Variants in SGCD observed in about 807,000 individuals in gnomAD.
SGCD encodes the protein delta-sarcoglycan.
Under a neutral mutation model 36.6 loss-of-function variants are expected in SGCD, and 18 were observed. The observed-to-expected ratio is 0.49, with a 90% CI of 0.34 to 0.73. The LOEUF (loss-of-function observed/expected upper bound fraction) is 0.73, where lower values mean the gene tolerates loss of function less well. Among genes scored for constraint, SGCD ranks in the 30% least tolerant of loss-of-function variants. The pLI is 0.01. For missense variants in SGCD, 387 were observed against 346.7 expected, an observed-to-expected ratio of 1.12 and a Z score of -0.92; for synonymous variants, 133 against 130.6, an observed-to-expected ratio of 1.02 and a Z score of -0.12.
At chr5:155,866,400 A>G (rs1755525090), upstream of SGCD, among the ~76,000 whole-genome samples, 1 of 152,190 alleles carries the variant, frequency 6.6e-6, no homozygotes, top group Non-Finnish European at 1.5e-5. Context: ...ACAAAGCCAA[A>G]CAATACCTTA....
intron 3 of SGCD, among the ~76,000 whole-genome samples, chr5:156,165,419 A>G (rs1412646713): frequency 6.6e-6 from 1 of 152,166 alleles, no homozygotes; most frequent in African/African-American, 2.4e-5. Context: ...TAGTAAGGAA[A>G]CTGTTCAGCC....
chr5:156,647,052 G>A (rs1456214560), intron 6 of SGCD, among the ~76,000 whole-genome samples: 1 of 152,174 alleles, frequency 6.6e-6, no homozygotes, highest in Non-Finnish European at 1.5e-5. Flanking sequence ...CCACTGCGTA[G>A]ATGTCATATG....
chr5:155,997,345 G>A (rs987655622), intron 1 of SGCD, among the ~76,000 whole-genome samples: 4 of 152,132 alleles, frequency 2.6e-5, no homozygotes, highest in Non-Finnish European at 5.9e-5. Context: ...AAAAATCCAG[G>A]CTATTGATCT....
chr5:156,180,553 A>G (rs2127626784), intron 3 of SGCD, among the ~76,000 whole-genome samples: 1 of 152,344 alleles, frequency 6.6e-6, no homozygotes, highest in East Asian at 1.9e-4. Flanking sequence ...AATTTAAAAT[A>G]TCATTTATAA....
chr5:156,001,286 G>A (rs1758659663), intron 1 of SGCD, among the ~76,000 whole-genome samples: 1 of 152,176 alleles, frequency 6.6e-6, no homozygotes, highest in African/African-American at 2.4e-5. Context: ...AAAACAAAAT[G>A]CAAGTGAATG....
At chr5:156,520,619 C>T (rs986565827) in intron 4 of SGCD, among the ~76,000 whole-genome samples, 4 of 152,088 alleles carry the variant, frequency 2.6e-5, no homozygotes, top group Admixed American at 6.6e-5. Context: ...AGGCATCGTG[C>T]GACCCAACTT....
At chr5:156,047,354 A>T (rs1039905835) in intron 1 of SGCD, among the ~76,000 whole-genome samples, 2 of 152,172 alleles carry the variant, frequency 1.3e-5, no homozygotes, top group Non-Finnish European at 2.9e-5. Context: ...ACAGACTTCT[A>T]TTGGAAGAAG....
At chr5:156,004,704 A>G (rs753551020) in intron 1 of SGCD, among the ~76,000 whole-genome samples, 1 of 152,244 alleles carries the variant, frequency 6.6e-6, no homozygotes, top group Non-Finnish European at 1.5e-5. Context: ...TTGTTCTGTC[A>G]TGCTACCTTT....
intron 1 of SGCD, among the ~76,000 whole-genome samples, chr5:156,108,862 G>T (rs953119313): frequency 2.0e-5 from 3 of 152,056 alleles, no homozygotes; most frequent in Non-Finnish European, 4.4e-5. Flanking sequence ...ATTATTTCAG[G>T]TTTGTGTTAC....
intron 3 of SGCD, among the ~76,000 whole-genome samples, chr5:156,259,171 G>A (rs1765789588): frequency 1.3e-5 from 2 of 150,356 alleles, no homozygotes; most frequent in African/African-American, 4.9e-5. Context: ...CCTTGAGGGT[G>A]TGAATTTATA....
intron 3 of SGCD, among the ~76,000 whole-genome samples, chr5:156,496,711 A>G (rs1027710383): frequency 1.3e-5 from 2 of 152,116 alleles, no homozygotes; most frequent in African/African-American, 4.8e-5. Context: ...CTCTGAGTTG[A>G]CCCTGAATTG....
intron 1 of SGCD, among the ~76,000 whole-genome samples, chr5:156,108,206 G>A (rs1020038158): frequency 6.6e-6 from 1 of 151,980 alleles, no homozygotes; most frequent in Non-Finnish European, 1.5e-5. Flanking sequence ...AAACATTAAT[G>A]TTTAATTTTT....
chr5:156,586,230 T>C (rs2113357172), intron 4 of SGCD, among the ~76,000 whole-genome samples: 1 of 152,310 alleles, frequency 6.6e-6, no homozygotes, highest in Middle Eastern at 3.4e-3. Flanking sequence ...TAAGGTATTT[T>C]GTAAAATGGC....
intron 1 of SGCD, among the ~76,000 whole-genome samples, chr5:155,992,350 G>A (rs548250015): frequency 6.6e-6 from 1 of 152,148 alleles, no homozygotes; most frequent in South Asian, 2.1e-4. Context: ...TTTCACTAGC[G>A]CTGCCTCGGG....
At chr5:156,231,006 G>A (rs185747493) in intron 3 of SGCD, among the ~76,000 whole-genome samples, 1 of 151,986 alleles carries the variant, frequency 6.6e-6, no homozygotes, top group African/African-American at 2.4e-5. Context: ...CAAATAAAAA[G>A]GCTACAAGGA....
chr5:156,587,374 T>C (rs1256356257), intron 4 of SGCD, among the ~76,000 whole-genome samples: 1 of 152,216 alleles, frequency 6.6e-6, no homozygotes, highest in East Asian at 1.9e-4. Context: ...GAAAATATAC[T>C]ACACTGTAGG....
chr5:155,830,265 C>A, the SGCD span, among the ~76,000 whole-genome samples: 2 of 152,140 alleles, frequency 1.3e-5, no homozygotes, highest in Non-Finnish European at 2.9e-5. Context: ...TCTCCTGAGG[C>A]CCCTCTCCTT....
At chr5:155,850,657 AGT>A in the SGCD span, among the ~76,000 whole-genome samples, 273 of 152,294 alleles carry the variant, frequency 1.8e-3, 2 homozygotes, top group African/African-American at 5.7e-3. Context: ...TAGAAACTGT[AGT>A]GGTTGGTGGG....
chr5:155,822,974 T>C, the SGCD span, among the ~76,000 whole-genome samples: 1 of 151,892 alleles, frequency 6.6e-6, no homozygotes, highest in Non-Finnish European at 1.5e-5. Flanking sequence ...AAAGAACCAA[T>C]ACAGGATATT....
Sources: allele counts gnomAD v4.1 joint callset (sites outside exome capture counted in the v4.1 genomes callset), GRCh38; gene constraint gnomAD v4.1.1; transcripts MANE v1.5; gene names NCBI Gene and HGNC (gene_info 2026-07-23, HGNC 2026-07-21).